Variants in MGAT4C observed in about 807,000 individuals in gnomAD.
The protein encoded by MGAT4C is alpha-1,3-mannosyl-glycoprotein 4-beta-N-acetylglucosaminyltransferase C.
MGAT4C carries 19 observed loss-of-function variants against 40.1 expected under a neutral mutation model. The ratio of observed to expected loss-of-function variants is 0.47; its 90% CI spans 0.33 to 0.70. The LOEUF (loss-of-function observed/expected upper bound fraction) is 0.70, where lower values mean the gene tolerates loss of function less well. Ranked by LOEUF, MGAT4C falls within the 30% of genes least tolerant of loss-of-function variation. MGAT4C has a pLI of 0.02. For synonymous variants in MGAT4C, 181 were observed against 187.1 expected, an observed-to-expected ratio of 0.97 and a Z score of 0.27; for missense variants, 491 against 563.2, an observed-to-expected ratio of 0.87 and a Z score of 1.30.
intron 2 of MGAT4C, among the ~76,000 whole-genome samples, chr12:86,682,600 A>G (rs771216164): frequency 2.4e-4 from 36 of 152,216 alleles, no homozygotes; most frequent in Non-Finnish European, 4.9e-4. Flanking sequence ...TAAATGTGGA[A>G]GCCCAAACTA....
intron 1 of MGAT4C, among the ~76,000 whole-genome samples, chr12:86,752,688 C>A (rs1297754539): frequency 6.6e-6 from 1 of 151,912 alleles, no homozygotes; most frequent in African/African-American, 2.4e-5. Flanking sequence ...TCAAGATAGC[C>A]AAATTGTTAA....
intron 3 of MGAT4C, among the ~76,000 whole-genome samples, chr12:86,408,479 C>CTCTCTCTCTCTCTCTATATATATA (rs1267344319): frequency 4.7e-5 from 3 of 63,368 alleles, no homozygotes; most frequent in African/African-American, 2.4e-4. Flanking sequence ...CTCTCTCTCT[C>CTCTCTCTCTCTCTCTATATATATA]TATATATATA....
In MGAT4C at chr12:86,791,441, T is replaced by G. The variant is rs189880532; in HGVS notation, c.-262+47225A>C. Among the ~76,000 whole-genome samples, 404 of 151,922 alleles carry G rather than the reference T, an allele frequency of 2.7e-3. 2 individuals are homozygous for G. Among genetic ancestry groups the G allele is most frequent in the Middle Eastern group, 0.02 (6 of 294 alleles). On this transcript the variant is annotated intron_variant, in intron 1 of 7. Coordinates refer to the MGAT4C transcript ENST00000548651. Reference sequence around the variant, plus strand: ...ATGCTGCTTTAAACTGTTTTTTTTTTTTTTTTTTTTTCCTCTTAACCCACA... The same window carrying G: ...ATGCTGCTTTAAACTGTTTTTTTTTGTTTTTTTTTTTCCTCTTAACCCACA...
At chr12:86,155,252 T>C (rs369705438) in intron 1 of MGAT4C, among the ~76,000 whole-genome samples, 21 of 152,282 alleles carry the variant, frequency 1.4e-4, no homozygotes, top group African/African-American at 4.8e-4. Context: ...AGCCAGTTCA[T>C]AGAACTTTGT....
At position 86,038,131 on chromosome 12, in the gene MGAT4C, G is replaced by A. The variant is rs145505578; in HGVS notation, c.-7+11543C>T. ...AATAGGTGGTGAGAATGTGGGGGTC[G>A]AAAGGGCAAGTGCATGATCTACAGG... On this transcript the variant is annotated intron_variant, in intron 2 of 4. Coordinates refer to ENST00000611864, the MANE Select transcript of MGAT4C (RefSeq NM_001351288.2). Among the ~76,000 whole-genome samples, 1,167 of 149,792 alleles carry A rather than the reference G, an allele frequency of 7.8e-3. 37 individuals carry two copies. The highest frequency in any genetic ancestry group is 0.025 in the African/African-American group (1,029 of 41,324).
At chr12:86,382,660 C>T (rs138107942) in intron 3 of MGAT4C, among the ~76,000 whole-genome samples, 1,568 of 152,274 alleles carry the variant, frequency 0.01, 19 homozygotes, top group East Asian at 0.044. Context: ...TTTCATGGGC[C>T]GGGCCCAGGG....
At chr12:86,440,337 C>A (rs915069472) in intron 2 of MGAT4C, among the ~76,000 whole-genome samples, 1 of 151,784 alleles carries the variant, frequency 6.6e-6, no homozygotes, top group African/African-American at 2.4e-5. Context: ...CACAAACTGA[C>A]AAATGTGATT....
chr12:86,396,777 C>T (rs972900439), intron 3 of MGAT4C, among the ~76,000 whole-genome samples: 2 of 152,020 alleles, frequency 1.3e-5, no homozygotes, highest in Non-Finnish European at 2.9e-5. Flanking sequence ...TTGACTCATT[C>T]ATGAAAAAAG....
At chr12:86,160,448 G>A (rs543876238) in intron 1 of MGAT4C, among the ~76,000 whole-genome samples, 2 of 152,124 alleles carry the variant, frequency 1.3e-5, no homozygotes, top group South Asian at 4.1e-4. Context: ...TACTTGGTAT[G>A]ATTTCAATTT....
intron 4 of MGAT4C, among the ~76,000 whole-genome samples, chr12:86,296,242 A>T (rs1407154018): frequency 4.6e-5 from 7 of 152,098 alleles, no homozygotes; most frequent in Non-Finnish European, 8.8e-5. Context: ...ACAAACCTTG[A>T]GCTAAACACA....
intron 1 of MGAT4C, among the ~76,000 whole-genome samples, chr12:86,753,124 G>T (rs1252692313): frequency 1.3e-5 from 2 of 152,194 alleles, no homozygotes; most frequent in East Asian, 3.9e-4. Flanking sequence ...CCCAAAGTCT[G>T]GCCATAAACT....
chr12:86,480,270 C>A (rs1957909949), intron 2 of MGAT4C, among the ~76,000 whole-genome samples: 1 of 151,482 alleles, frequency 6.6e-6, no homozygotes, highest in Admixed American at 6.6e-5. Context: ...CTTTTGGAAA[C>A]AAAATGAAAC....
intron 3 of MGAT4C, among the ~76,000 whole-genome samples, chr12:86,386,189 C>T (rs1956047589): frequency 6.6e-6 from 1 of 152,160 alleles, no homozygotes; most frequent in African/African-American, 2.4e-5. Context: ...CTCGGCCTCC[C>T]AAAGTGCTGG....
intron 1 of MGAT4C, among the ~76,000 whole-genome samples, chr12:86,085,767 C>T (rs1387510686): frequency 6.6e-6 from 1 of 152,084 alleles, no homozygotes; most frequent in African/African-American, 2.4e-5. Flanking sequence ...TACATTTATG[C>T]AGCCAACACA....
intron 1 of MGAT4C, among the ~76,000 whole-genome samples, chr12:86,127,335 T>A (rs773510095): frequency 1.3e-5 from 2 of 152,148 alleles, no homozygotes; most frequent in Non-Finnish European, 2.9e-5. Flanking sequence ...AATAAAAGTA[T>A]GATATAAAAA....
chr12:86,207,439 C>T (rs1398971267), intron 1 of MGAT4C, among the ~76,000 whole-genome samples: 1 of 152,014 alleles, frequency 6.6e-6, no homozygotes, highest in East Asian at 1.9e-4. Context: ...TCTCCCTCCC[C>T]TTTCCCTCGA....
At chr12:86,586,156 T>C (rs1402753253) in intron 2 of MGAT4C, among the ~76,000 whole-genome samples, 3 of 137,914 alleles carry the variant, frequency 2.2e-5, no homozygotes, top group Non-Finnish European at 4.7e-5. Context: ...TGTGTCCATG[T>C]GTTCTCATTG....
chr12:86,082,552 T>C (rs1871029788), intron 1 of MGAT4C, among the ~76,000 whole-genome samples: 2 of 152,132 alleles, frequency 1.3e-5, no homozygotes, highest in Admixed American at 6.6e-5. Flanking sequence ...AATTTAGCCA[T>C]CTTCAGGGAA....
chr12:86,567,232 T>G (rs1193728867), intron 2 of MGAT4C, among the ~76,000 whole-genome samples: 1 of 152,084 alleles, frequency 6.6e-6, no homozygotes, highest in Non-Finnish European at 1.5e-5. Flanking sequence ...CCCTGGTGAC[T>G]CAGTAGCAAT....
Sources: gnomAD v4.1 joint callset for allele counts (sites outside exome capture counted in the v4.1 genomes callset) on GRCh38, gnomAD v4.1.1 for gene constraint, MANE v1.5 for transcripts, NCBI Gene and HGNC (gene_info 2026-07-23, HGNC 2026-07-21) for gene names.